SGMS1: variants seen among roughly 807,000 people sequenced by gnomAD.
SGMS1 encodes the protein sphingomyelin synthase 1, also known as phosphatidylcholine:ceramide cholinephosphotransferase 1.
SGMS1 carries 13 observed loss-of-function variants against 46.2 expected under a neutral mutation model. The ratio of observed to expected loss-of-function variants is 0.28; its 90% CI spans 0.18 to 0.45. SGMS1 has a LOEUF of 0.45. Ranked by LOEUF, SGMS1 falls within the 20% of genes least tolerant of loss-of-function variation. SGMS1 has a pLI of 1.00. For missense variants in SGMS1, 324 were observed against 519.9 expected (o/e 0.62, Z 3.66); for synonymous variants, 203 against 187.8 (o/e 1.08, Z -0.66).
At chr10:50,355,885 G>A (rs1182655888) in intron 6 of SGMS1, among the ~76,000 whole-genome samples, 1 of 151,262 alleles carries the variant, frequency 6.6e-6, no homozygotes, top group Non-Finnish European at 1.5e-5. Context: ...GCCCAGCCGC[G>A]ACCCCGTCTG....
chr10:50,350,560 C>A (rs116796370), intron 6 of SGMS1, among the ~76,000 whole-genome samples: 1 of 152,092 alleles, frequency 6.6e-6, no homozygotes, highest in Non-Finnish European at 1.5e-5. Flanking sequence ...TTTCATGGGC[C>A]GGGTCCAGGG....
At chr10:50,378,816 G>A (rs916900217) in intron 6 of SGMS1, among the ~76,000 whole-genome samples, 1 of 152,084 alleles carries the variant, frequency 6.6e-6, no homozygotes, top group Non-Finnish European at 1.5e-5. Context: ...CATTTTTAAG[G>A]AATATCAAAA....
chr10:50,427,024 A>G (rs1369045008), intron 6 of SGMS1, among the ~76,000 whole-genome samples: 1 of 152,226 alleles, frequency 6.6e-6, no homozygotes, highest in East Asian at 1.9e-4. Context: ...AAAGAAAACA[A>G]TAGAAATTTA....
intron 3 of SGMS1, among the ~76,000 whole-genome samples, chr10:50,490,702 C>T (rs1837559866): frequency 6.6e-6 from 1 of 152,152 alleles, no homozygotes; most frequent in South Asian, 2.1e-4. Context: ...CTTGCTCTAC[C>T]ACTTACTATC....
upstream of SGMS1, chr10:50,624,729 C>T (rs1838903345): frequency 1.0e-6 from 1 of 985,296 alleles, no homozygotes; most frequent in Admixed American, 6.1e-5. Flanking sequence ...TTCCTCTGCT[C>T]CCCGAGCGAA....
chr10:50,586,069 C>T (rs942161008), intron 2 of SGMS1, among the ~76,000 whole-genome samples: 2 of 152,178 alleles, frequency 1.3e-5, no homozygotes, highest in South Asian at 2.1e-4. Flanking sequence ...TTCAACTCTG[C>T]AGTTATAGCA....
At chr10:50,404,269 T>C (rs1490246300) in intron 6 of SGMS1, among the ~76,000 whole-genome samples, 1 of 151,956 alleles carries the variant, frequency 6.6e-6, no homozygotes, top group Non-Finnish European at 1.5e-5. Flanking sequence ...AAAATGTTGA[T>C]GGAAGCGTGG....
At chr10:50,453,752 GAGAA>G (rs1837142517) in intron 5 of SGMS1, among the ~76,000 whole-genome samples, 1 of 139,822 alleles carries the variant, frequency 7.2e-6, no homozygotes, top group African/African-American at 2.6e-5. Context: ...GAGACAGAGG[GAGAA>G]GGAAGGAAGG....
At chr10:50,392,079 G>A (rs1848777501) in intron 6 of SGMS1, among the ~76,000 whole-genome samples, 1 of 151,710 alleles carries the variant, frequency 6.6e-6, no homozygotes, top group Non-Finnish European at 1.5e-5. Context: ...TACCTGTCGA[G>A]TACTATACTT....
intron 3 of SGMS1, among the ~76,000 whole-genome samples, chr10:50,468,518 G>C (rs1417235124): frequency 6.6e-6 from 1 of 152,132 alleles, no homozygotes; most frequent in Non-Finnish European, 1.5e-5. Flanking sequence ...ATTTCATAAG[G>C]GATAATTTTC....
At chr10:50,404,126 G>A (rs562446018) in intron 6 of SGMS1, among the ~76,000 whole-genome samples, 31 of 151,934 alleles carry the variant, frequency 2.0e-4, no homozygotes, top group African/African-American at 7.2e-4. Context: ...GGGAGAAAGA[G>A]GAAGAAGAAA....
chr10:50,338,048 A>C (rs1847745077), intron 7 of SGMS1, among the ~76,000 whole-genome samples: 1 of 152,168 alleles, frequency 6.6e-6, no homozygotes, highest in Non-Finnish European at 1.5e-5. Context: ...AAACAGTTCT[A>C]AAACTTGATG....
chr10:50,354,989 T>C (rs904674572), intron 6 of SGMS1, among the ~76,000 whole-genome samples: 2 of 152,362 alleles, frequency 1.3e-5, no homozygotes, highest in African/African-American at 4.8e-5. Context: ...TTTACACTGT[T>C]GGTGGGACTG....
At position 50,548,868 on chromosome 10, in the gene SGMS1, C is replaced by A. The variant is rs564945568; in HGVS notation, c.-588-28947G>T. 1.5e-3 allele frequency among the ~76,000 whole-genome samples: 231 copies of A among 151,240 alleles called. 1 individual carries two copies. Among genetic ancestry groups the A allele is most frequent in the African/African-American group, 5.0e-3 (204 of 41,136 alleles). ...AACTTAAATTTACAAGAAAAAAAAA[C>A]CATTAAAAAGTGGGTAAAGGACATG... On this transcript the variant is annotated intron_variant, in intron 2 of 10. Coordinates refer to ENST00000361781, the MANE Select transcript of SGMS1 (RefSeq NM_147156.4).
intron 2 of SGMS1, among the ~76,000 whole-genome samples, chr10:50,557,001 C>T (rs2133840059): frequency 6.6e-6 from 1 of 152,206 alleles, no homozygotes; most frequent in African/African-American, 2.4e-5. Context: ...CTGTCTGCCG[C>T]CAAGGGTGAG....
intron 1 of SGMS1, among the ~76,000 whole-genome samples, chr10:50,619,187 A>G (rs1400648462): frequency 6.6e-6 from 1 of 152,174 alleles, no homozygotes; most frequent in Non-Finnish European, 1.5e-5. Flanking sequence ...TAGTGGTAGC[A>G]GGAGTGGAGG....
intron 5 of SGMS1, chr10:50,460,020 C>T (rs1330012917): frequency 6.6e-6 from 1 of 151,708 alleles, no homozygotes; most frequent in Non-Finnish European, 1.5e-5. Flanking sequence ...TGACATATGA[C>T]AATAACACAG....
At chr10:50,400,551 A>G (rs1848922129) in intron 6 of SGMS1, among the ~76,000 whole-genome samples, 1 of 151,222 alleles carries the variant, frequency 6.6e-6, no homozygotes, top group Non-Finnish European at 1.5e-5. Flanking sequence ...CTTGGACTCA[A>G]GCAATCCTCC....
chr10:50,339,809 G>T lies in SGMS1; in HGVS notation c.623+3683C>A, dbSNP rs1021231449. Among the ~76,000 whole-genome samples the T allele has an allele frequency of 3.9e-5, 6 of 152,264 alleles. No homozygotes were observed. In the East Asian group the frequency reaches 5.8e-4, roughly 15 times the overall value. The stretch of plus-strand genomic sequence containing the variant: ...GAAGGAGACATATATACAACTAATA[G>T]AATGAAATGTGATATGGGCTTAATG... On this transcript the variant is annotated intron_variant, in intron 7 of 10. Coordinates refer to ENST00000361781, the MANE Select transcript of SGMS1 (RefSeq NM_147156.4).
Sources: allele counts gnomAD v4.1 joint callset (sites outside exome capture counted in the v4.1 genomes callset), GRCh38; gene constraint gnomAD v4.1.1; transcripts MANE v1.5; gene names NCBI Gene and HGNC (gene_info 2026-07-23, HGNC 2026-07-21).